CCDC15: variants seen among roughly 807,000 people sequenced by gnomAD.
The protein encoded by CCDC15 is coiled-coil domain-containing protein 15.
Under a neutral mutation model 114.5 loss-of-function variants are expected in CCDC15, and 105 were observed. That is an observed-to-expected ratio of 0.92 (90% CI 0.78 to 1.08). The LOEUF is 1.08. Among genes scored for constraint, CCDC15 ranks in the 50% least tolerant of loss-of-function variants. The pLI is 0.00. For missense variants in CCDC15, 1,105 were observed against 1,093.6 expected (o/e 1.01, Z -0.15); for synonymous variants, 334 against 377.8 (o/e 0.88, Z 1.34).
chr11:124,960,168 A>G lies in CCDC15; in HGVS notation c.516+165A>G, dbSNP rs188601112. Among the ~76,000 whole-genome samples the G allele has an allele frequency of 9.7e-3, 1,449 of 150,092 alleles. 13 individuals carry two copies. Among genetic ancestry groups the G allele is most frequent in the Non-Finnish European group, 0.016 (1,061 of 67,716 alleles). Reference sequence around the variant, plus strand: ...TTTTTTTTAGCTTTGTAAAGTGGGGAATAGTGGGATAATGCTTTTTAAAAA... The same window carrying G: ...TTTTTTTTAGCTTTGTAAAGTGGGGGATAGTGGGATAATGCTTTTTAAAAA... On this transcript the variant is annotated intron_variant, in intron 4 of 15. Coordinates refer to ENST00000344762, the MANE Select transcript of CCDC15 (RefSeq NM_025004.3).
At chr11:124,974,741 C>T (rs544790982) in intron 4 of CCDC15, among the ~76,000 whole-genome samples, 9 of 152,202 alleles carry the variant, frequency 5.9e-5, no homozygotes, top group Admixed American at 1.3e-4. Context: ...TCCTTATTGA[C>T]AAAGGTGGAT....
intron 13 of CCDC15, among the ~76,000 whole-genome samples, chr11:125,013,268 G>T (rs1209867031): frequency 6.6e-6 from 1 of 152,150 alleles, no homozygotes; most frequent in African/African-American, 2.4e-5. Context: ...AGATGGTCAA[G>T]GAGCTTAGTA....
intron 13 of CCDC15, among the ~76,000 whole-genome samples, chr11:125,032,315 A>T (rs1948744944): frequency 6.6e-6 from 1 of 152,230 alleles, no homozygotes; most frequent in Non-Finnish European, 1.5e-5. Context: ...ATTCTGTTGG[A>T]CCTTATGCAC....
intron 13 of CCDC15, among the ~76,000 whole-genome samples, chr11:125,033,671 G>A (rs1450269050): frequency 6.6e-6 from 1 of 152,004 alleles, no homozygotes; most frequent in Non-Finnish European, 1.5e-5. Context: ...CTAAACCAAG[G>A]GAGGAAATCA....
chr11:124,973,792 AT>A (rs988074147), intron 4 of CCDC15, among the ~76,000 whole-genome samples: 2 of 151,188 alleles, frequency 1.3e-5, no homozygotes, highest in Non-Finnish European at 2.9e-5. Flanking sequence ...ACTACAGCAA[AT>A]TTTTTTTGTA....
chr11:124,981,488 G>A lies in CCDC15; in HGVS notation c.753+3888G>A, dbSNP rs1948071901. 2.7e-5 allele frequency among the ~76,000 whole-genome samples: 4 copies of A among 149,676 alleles called. 1 individual carries two copies. In the South Asian group the frequency reaches 8.5e-4, roughly 32 times the overall value. ...GCCTCCTGAGTAGCTGGGACTGCAG[G>A]CACCCACTACCACACCTGGCTAATT... On this transcript the variant is annotated intron_variant, in intron 6 of 15. Transcript: ENST00000344762.
At chr11:124,990,531 G>A (rs566296124) in intron 8 of CCDC15, among the ~76,000 whole-genome samples, 1 of 152,134 alleles carries the variant, frequency 6.6e-6, no homozygotes, top group African/African-American at 2.4e-5. Flanking sequence ...ATAAAAATAG[G>A]TATGCTGTAT....
chr11:125,019,996 A>G (rs1948651738), intron 13 of CCDC15, among the ~76,000 whole-genome samples: 1 of 151,888 alleles, frequency 6.6e-6, no homozygotes, highest in South Asian at 2.1e-4. Context: ...GATACAATAC[A>G]TTGTTGCTAA....
intron 13 of CCDC15, among the ~76,000 whole-genome samples, chr11:125,028,273 C>G (rs1430006392): frequency 6.6e-6 from 1 of 151,890 alleles, no homozygotes; most frequent in African/African-American, 2.4e-5. Context: ...TGAATGTTAG[C>G]ATTGTTTTTT....
chr11:124,970,137 TCTC>T (rs1947856129), intron 4 of CCDC15, among the ~76,000 whole-genome samples: 1 of 152,202 alleles, frequency 6.6e-6, no homozygotes, highest in Admixed American at 6.5e-5. Context: ...GGTATTGTCA[TCTC>T]CTCATCACAG....
intron 13 of CCDC15, among the ~76,000 whole-genome samples, chr11:125,036,701 C>G (rs914415353): frequency 6.6e-5 from 10 of 152,004 alleles, no homozygotes; most frequent in African/African-American, 2.4e-4. Context: ...TTTCAAATAG[C>G]CTGTCTTCAA....
At chr11:125,034,096 G>A (rs554459374) in intron 13 of CCDC15, among the ~76,000 whole-genome samples, 2 of 152,290 alleles carry the variant, frequency 1.3e-5, no homozygotes, top group Admixed American at 6.5e-5. Context: ...ACTGCCTCAG[G>A]GGAGGCCATC....
chr11:124,974,117 G>GGT (rs1390672765), intron 4 of CCDC15, among the ~76,000 whole-genome samples: 1 of 152,046 alleles, frequency 6.6e-6, no homozygotes, highest in African/African-American at 2.4e-5. Flanking sequence ...TGGGATTACA[G>GGT]GTGTGCACCA....
intron 11 of CCDC15, among the ~76,000 whole-genome samples, chr11:125,003,585 C>T (rs1948512343): frequency 6.6e-6 from 1 of 152,000 alleles, no homozygotes; most frequent in Non-Finnish European, 1.5e-5. Flanking sequence ...CAAGTGACCA[C>T]TTTAAAAGAA....
At chr11:124,971,052 G>C (rs1947869834) in intron 4 of CCDC15, among the ~76,000 whole-genome samples, 1 of 152,144 alleles carries the variant, frequency 6.6e-6, no homozygotes, top group Non-Finnish European at 1.5e-5. Flanking sequence ...CTAAGGCTAG[G>C]GAGGAAGTTG....
Position 125,011,241 on chromosome 11 carries a change from TA to T in CCDC15, c.2411+6030del, listed in dbSNP as rs201969396. Among the ~76,000 whole-genome samples, 121 of 140,990 alleles carry T rather than the reference TA, an allele frequency of 8.6e-4. 3 individuals carry two copies. The highest frequency in any genetic ancestry group is 2.3e-3 in the African/African-American group (82 of 35,816). 92.5% of individuals were successfully genotyped at this position (140,990 alleles called of 152,430 possible). A position where few individuals can be genotyped will look rare whatever the true frequency, so the allele number is the denominator to read the frequency against. On this transcript the variant is annotated intron_variant, in intron 13 of 15. Coordinates refer to ENST00000344762, the MANE Select transcript of CCDC15 (RefSeq NM_025004.3). ...GAAGTATTATTATTATTATTATTAT[TA>T]TTATTATTTTTTAAGATGGAGTTTC...
At chr11:125,038,398 A>T in intron 13 of CCDC15, 33 bp from the exon 14 acceptor site, 1 of 1,301,274 alleles carries the variant, frequency 7.7e-7, no homozygotes, top group Non-Finnish European at 1.0e-6. Flanking sequence ...TAATTTTATG[A>T]AATTCCTAAC....
chr11:124,973,723 A>C (rs1394297405), intron 4 of CCDC15, among the ~76,000 whole-genome samples: 1 of 152,080 alleles, frequency 6.6e-6, no homozygotes, highest in Non-Finnish European at 1.5e-5. Flanking sequence ...TCCAGGCTCA[A>C]GCAATCCTTC....
intron 6 of CCDC15, among the ~76,000 whole-genome samples, chr11:124,983,184 G>C (rs1948100506): frequency 6.6e-6 from 1 of 152,072 alleles, no homozygotes; most frequent in Admixed American, 6.5e-5. Context: ...ATCAGCTTCT[G>C]TATCGTTTTA....
Sources: gnomAD v4.1 joint callset for allele counts (sites outside exome capture counted in the v4.1 genomes callset) on GRCh38, gnomAD v4.1.1 for gene constraint, MANE v1.5 for transcripts, NCBI Gene and HGNC (gene_info 2026-07-23, HGNC 2026-07-21) for gene names.